CIITA: variants seen among roughly 807,000 people sequenced by gnomAD.
CIITA encodes MHC class II transactivator.
A neutral mutation model predicts 115.1 loss-of-function variants in CIITA; 72 were observed. The ratio of observed to expected loss-of-function variants is 0.63; its 90% CI spans 0.52 to 0.76. The LOEUF (loss-of-function observed/expected upper bound fraction) is 0.76. Among genes scored for constraint, CIITA ranks in the 30% least tolerant of loss-of-function variants. The probability of loss-of-function intolerance (pLI) is 0.00; values close to 1 mark genes in which losing one functional copy is unlikely to be tolerated. For synonymous variants in CIITA, 763 were observed against 635.6 expected, an observed-to-expected ratio of 1.20 and a Z score of -3.02; for missense variants, 1,617 against 1,463.8, an observed-to-expected ratio of 1.10 and a Z score of -1.71.
intron 18 of CIITA, chr16:10,922,792 A>C (rs969969935): frequency 1.9e-6 from 1 of 533,690 alleles, no homozygotes; most frequent in Non-Finnish European, 3.4e-6. Context: ...AATTGCTGAC[A>C]TCCACCCATT....
chr16:10,907,816 G>A lies in CIITA; in HGVS notation c.2324G>A (p.Gly775Glu), dbSNP rs764376470. The change falls in exon 11 of 20, where the codon GGG becomes GAG. Residue 775 changes from glycine (G) to glutamate (E), a missense_variant. Gly to Glu is a moderately conservative substitution (Grantham distance 98). Transcript: ENST00000324288. This position sits in a 1 kb window ranked among gnomAD's most constrained non-coding sequence, Gnocchi z 5.0. Reference sequence around the variant, plus strand: ...GCCCGCTGCCTGGGAGCCCTACTCGGGCCATCGGCGGCTGCCTCGGTGGAC... The same window carrying A: ...GCCCGCTGCCTGGGAGCCCTACTCGAGCCATCGGCGGCTGCCTCGGTGGAC... ...PPARCLGALLGPSAAASVDRK... is the reference protein window; with the variant it reads ...PPARCLGALLEPSAAASVDRK... 8.7e-6 allele frequency: 14 copies of A among 1,613,950 alleles called. No individual in the cohort carries two copies. The East Asian group carries it at 3.1e-4, about 36-fold the overall frequency.
intron 1 of CIITA, among the ~76,000 whole-genome samples, chr16:10,893,804 T>TAAAAAAAA (rs71136603): frequency 0.07 from 2,239 of 32,148 alleles, 271 homozygotes; most frequent in East Asian, 0.17. Flanking sequence ...GACTCCGTCT[T>TAAAAAAAA]AAAAAAAAAA....
At chr16:10,918,563 TG>T (rs762576060) in intron 16 of CIITA, 37 bp downstream of exon 16, 14 of 1,589,518 alleles carry the variant, frequency 8.8e-6, no homozygotes, top group Non-Finnish European at 1.1e-5. Context: ...GGTGCTGAGC[TG>T]GGGGGCTGCA....
chr16:10,912,709 G>C (rs1049028741), intron 13 of CIITA, among the ~76,000 whole-genome samples: 2 of 152,212 alleles, frequency 1.3e-5, no homozygotes, highest in African/African-American at 4.8e-5. Context: ...CAATAACTGA[G>C]GGCCCTTTCT....
In CIITA at chr16:10,908,261, G is replaced by A. The variant is rs1434319866; in HGVS notation, c.2657+112G>A. The A allele has an allele frequency of 7.9e-6, 10 of 1,264,520 alleles. No homozygotes were observed. In the South Asian group the frequency reaches 1.2e-4, roughly 15 times the overall value. 78.3% of individuals were successfully genotyped at this position (1,264,520 alleles called of 1,614,324 possible). ...CTTTTAGTATGCAGAGCAGCCGGGT[G>A]GGGCAGAATGGATTCTCTCCATTTT... On this transcript the variant is annotated intron_variant, in intron 11 of 19. Coordinates refer to ENST00000324288, the MANE Select transcript of CIITA (RefSeq NM_000246.4).
intron 14 of CIITA, 109 bp downstream of exon 14, chr16:10,915,759 C>A: frequency 2.0e-6 from 2 of 986,268 alleles, no homozygotes; most frequent in Non-Finnish European, 3.2e-6. Context: ...CCTGCCTCAG[C>A]CTCCTGAGTA....
chr16:10,878,086 G>A lies in CIITA; in HGVS notation c.52+704G>A, dbSNP rs140124990. 2.0e-3 allele frequency among the ~76,000 whole-genome samples: 309 copies of A among 152,286 alleles called. 1 individual carries two copies. The highest frequency in any genetic ancestry group is 6.8e-3 in the African/African-American group (284 of 41,564). On this transcript the variant is annotated intron_variant, in intron 1 of 19. Coordinates refer to ENST00000324288, the MANE Select transcript of CIITA (RefSeq NM_000246.4). Reference sequence around the variant, plus strand: ...AAAGCCTGTATGAAAGGGTAATGATGAGGGACCTAGCACAGTGTCCAATAT... The same window carrying A: ...AAAGCCTGTATGAAAGGGTAATGATAAGGGACCTAGCACAGTGTCCAATAT...
chr16:10,871,720 G>C (rs373843638), intron 1 of CIITA, among the ~76,000 whole-genome samples: 3 of 152,294 alleles, frequency 2.0e-5, no homozygotes, highest in Admixed American at 6.5e-5. Context: ...CCTTTCCTGA[G>C]AACCAGCCCC....
rs1056674559 is a variant in CIITA, at chr16:10,909,862, G to A, written c.2817-326G>A. 2.0e-5 allele frequency among the ~76,000 whole-genome samples: 3 copies of A among 151,768 alleles called. 1 individual carries two copies. The highest frequency in any genetic ancestry group is 7.3e-5 in the African/African-American group (3 of 41,302). ...CGATCCTCCTGCCTCAGCCTCCCAA[G>A]TAGCTGGGATTATAGGTGCACGTCA... On this transcript the variant is annotated intron_variant, in intron 12 of 19. Coordinates refer to ENST00000324288, the MANE Select transcript of CIITA (RefSeq NM_000246.4).
Position 10,941,638 on chromosome 16 carries a change from T to C in CIITA, n.764T>C. On this transcript the variant is annotated non_coding_transcript_exon_variant, in exon 2 of 2. Transcript: ENST00000573379. The surrounding 1 kb of genome is among the most constrained non-coding windows in gnomAD (Gnocchi z 6.4). ...CGTCCAGATGGTGCCCCCAACCAGC[T>C]GCGGCGGCATGATCTGGGCGGCTGG... 6.5e-7 allele frequency: 1 copy of C among 1,527,972 alleles called. No individual in the cohort carries two copies. The highest frequency in any genetic ancestry group is 8.8e-7 in the Non-Finnish European group (1 of 1,137,800). The allele number at this position is 1,527,972 out of a possible 1,614,324, so 94.7% of individuals were successfully genotyped here. A position where few individuals can be genotyped will look rare whatever the true frequency, so the allele number is the denominator to read the frequency against.
Position 10,923,167 on chromosome 16 carries a change from C to T in CIITA, c.3318-61C>T, listed in dbSNP as rs2040366574. On this transcript the variant is annotated intron_variant, in intron 18 of 19. Coordinates refer to ENST00000324288, the MANE Select transcript of CIITA (RefSeq NM_000246.4). This position sits in a 1 kb window ranked among gnomAD's most constrained non-coding sequence, Gnocchi z 5.2. ...AGGAGGGATTTGGGGGCAGCTGTCA[C>T]TGGGGCCCCAGGCCGCCCTCTCTCC... 24 of 1,474,130 alleles carry T rather than the reference C, an allele frequency of 1.6e-5. No homozygotes were observed. In the South Asian group the frequency reaches 2.5e-4, roughly 15 times the overall value. 91.3% of individuals were successfully genotyped at this position (1,474,130 alleles called of 1,614,324 possible).
chr16:10,878,878 G>C (rs1397231453), intron 1 of CIITA: 1 of 229,344 alleles, frequency 4.4e-6, no homozygotes, highest in African/African-American at 2.2e-5. Context: ...TCCACAGCCT[G>C]GCCCGAGCTC....
At chr16:10,914,127 T>A (rs2039787031) in intron 13 of CIITA, among the ~76,000 whole-genome samples, 1 of 152,196 alleles carries the variant, frequency 6.6e-6, no homozygotes, top group Non-Finnish European at 1.5e-5. Flanking sequence ...GGCAGGGATT[T>A]TCGTCTGTTT....
At chr16:10,873,933 T>C (rs771492210), upstream of CIITA, among the ~76,000 whole-genome samples, 1 of 152,142 alleles carries the variant, frequency 6.6e-6, no homozygotes. Flanking sequence ...TCATCACCTC[T>C]GCAAGAGTTT....
rs889786115 is a variant in CIITA, at chr16:10,926,510, C to T, written c.*2655C>T. 3.3e-5 allele frequency: 5 copies of T among 152,302 alleles called. No homozygotes were observed. The highest frequency in any genetic ancestry group is 2.1e-4 in the South Asian group (1 of 4,830). The allele number at this position is 152,302 out of a possible 1,614,324, so 9.4% of individuals were successfully genotyped here. A position where few individuals can be genotyped will look rare whatever the true frequency, so the allele number is the denominator to read the frequency against. ...CAGAGCCTGCAGTTATTAACACTAA[C>T]GATTTGTTAATGATAGCTACTGTTT... On this transcript the variant is annotated 3_prime_UTR_variant, in exon 20 of 20. Transcript: ENST00000324288.
At chr16:10,881,919 G>T (rs577664551) in intron 1 of CIITA, among the ~76,000 whole-genome samples, 2 of 152,154 alleles carry the variant, frequency 1.3e-5, no homozygotes, top group Admixed American at 1.3e-4. Flanking sequence ...ATAGAATTAC[G>T]TGATATTTGT....
upstream of CIITA, among the ~76,000 whole-genome samples, chr16:10,875,486 G>A (rs1213057281): frequency 6.6e-6 from 1 of 151,816 alleles, no homozygotes; most frequent in African/African-American, 2.4e-5. Context: ...AGAGGCCAAG[G>A]TCACACACCT....
chr16:10,884,563 C>T (rs1415232447), intron 1 of CIITA, among the ~76,000 whole-genome samples: 2 of 152,112 alleles, frequency 1.3e-5, no homozygotes, highest in African/African-American at 2.4e-5. Flanking sequence ...TACAAGGGCA[C>T]TCCACCACAC....
rs746266564 is a variant in CIITA, at chr16:10,907,443, G to A, written c.1951G>A (p.Asp651Asn). 15 of 1,612,750 alleles carry A rather than the reference G, an allele frequency of 9.3e-6. No homozygotes were observed. In the East Asian group the frequency reaches 1.8e-4, roughly 19 times the overall value. ...CGGCCTGCTGGGCCGTGCAGCCCTC[G>A]ACAGCCCCCCCGGGGCCCTGGCAGA... ...YVGLLGRAAL[D>N]SPPGALAELA... The change falls in exon 11 of 20, where the codon GAC becomes AAC. Residue 651 changes from aspartate to asparagine, a missense_variant. Coordinates refer to ENST00000324288, the MANE Select transcript of CIITA (RefSeq NM_000246.4). This position sits in a 1 kb window ranked among gnomAD's most constrained non-coding sequence, Gnocchi z 5.0.
Sources: allele counts gnomAD v4.1 joint callset (sites outside exome capture counted in the v4.1 genomes callset), GRCh38; gene constraint gnomAD v4.1.1; non-coding constraint Gnocchi (gnomAD v3.1); transcripts MANE v1.5; gene names NCBI Gene and HGNC (gene_info 2026-07-23, HGNC 2026-07-21).